The following CROCC variants were observed in gnomAD, a reference collection of about 807,000 sequenced individuals.
The protein encoded by CROCC is rootletin.
CROCC carries 180 observed loss-of-function variants against 245.2 expected under a neutral mutation model. The observed-to-expected ratio is 0.73, with a 90% CI of 0.65 to 0.83. The LOEUF is 0.83. Among genes scored for constraint, CROCC ranks in the 40% least tolerant of loss-of-function variants. The pLI is 0.00. For missense variants in CROCC, 2,688 were observed against 2,779.4 expected, an observed-to-expected ratio of 0.97 and a Z score of 0.74; for synonymous variants, 1,205 against 1,241.6, an observed-to-expected ratio of 0.97 and a Z score of 0.62.
chr1:16,933,279 A>G (rs2075718394), intron 8 of CROCC, among the ~76,000 whole-genome samples: 1 of 152,274 alleles, frequency 6.6e-6, no homozygotes, highest in African/African-American at 2.4e-5. Context: ...CAGCCTGGCC[A>G]ACATGGTGAG....
At chr1:16,943,878 A>G (rs1309456514) in intron 13 of CROCC, among the ~76,000 whole-genome samples, 1 of 152,234 alleles carries the variant, frequency 6.6e-6, no homozygotes, top group Admixed American at 6.5e-5. Context: ...ACCTCCATCC[A>G]CTCCAAGTGG....
At chr1:16,948,749 G>T in intron 18 of CROCC, 50 bp from the exon 19 acceptor site, 2 of 1,604,392 alleles carry the variant, frequency 1.2e-6, no homozygotes, top group South Asian at 1.1e-5. Context: ...ACAGTTTCCT[G>T]GGGCCAGGGA....
At chr1:16,957,998 C>G (rs889799290) in intron 25 of CROCC, among the ~76,000 whole-genome samples, 2 of 148,778 alleles carry the variant, frequency 1.3e-5, no homozygotes, top group South Asian at 2.1e-4. Flanking sequence ...GGCAGTACCC[C>G]TCCCTGCTCC....
At chr1:16,960,224 C>A (rs2076308275) in intron 26 of CROCC, among the ~76,000 whole-genome samples, 1 of 152,098 alleles carries the variant, frequency 6.6e-6, no homozygotes, top group Non-Finnish European at 1.5e-5. Context: ...TGAGATTGCC[C>A]CACTGCACTC....
At chr1:16,919,992 A>G (rs1426469694), upstream of CROCC, among the ~76,000 whole-genome samples, 2 of 152,262 alleles carry the variant, frequency 1.3e-5, no homozygotes, top group African/African-American at 2.4e-5. Flanking sequence ...CCTGGGTTCA[A>G]GTGATTCCCC....
chr1:16,944,002 C>G (rs529677222), intron 13 of CROCC, 98 bp from the exon 14 acceptor site: 3 of 1,270,196 alleles, frequency 2.4e-6, no homozygotes, highest in Non-Finnish European at 3.2e-6. Flanking sequence ...CCTTGGAAGA[C>G]TGGAGGATGT....
chr1:16,924,546 A>G, intron 3 of CROCC, 67 bp downstream of exon 3: 3 of 1,569,646 alleles, frequency 1.9e-6, no homozygotes, highest in Non-Finnish European at 2.6e-6. Context: ...AGGCATCTAG[A>G]CCAGGCCCAC....
intron 20 of CROCC, among the ~76,000 whole-genome samples, chr1:16,951,706 T>C (rs992369643): frequency 1.3e-5 from 2 of 152,222 alleles, no homozygotes; most frequent in Non-Finnish European, 2.9e-5. Context: ...GGCACTGACA[T>C]GCTCTCCAGA....
At chr1:16,938,041 G>A (rs761062652) in intron 10 of CROCC, among the ~76,000 whole-genome samples, 225 of 152,308 alleles carry the variant, frequency 1.5e-3, no homozygotes, top group Non-Finnish European at 2.7e-3. Flanking sequence ...TCCCATCCAC[G>A]CTCTCCAGGT....
intron 1 of CROCC, among the ~76,000 whole-genome samples, chr1:16,916,692 T>A (rs1473238968): frequency 1.3e-5 from 2 of 152,276 alleles, no homozygotes; most frequent in East Asian, 3.8e-4. Context: ...TTTATTTTTT[T>A]GGCAGAGATG....
rs7414606 is a variant in CROCC, at chr1:16,946,626, T to G, written c.2284-135T>G. 1.2e-5 allele frequency: 14 copies of G among 1,129,364 alleles called. No homozygotes were observed. The East Asian group carries it at 3.5e-4, about 29-fold the overall frequency. 70.0% of individuals were successfully genotyped at this position (1,129,364 alleles called of 1,614,324 possible). On this transcript the variant is annotated intron_variant, in intron 16 of 36. Transcript: ENST00000375541. ...TCATCTCCCCCTCCCCAGTGTCCCA[T>G]ACACCCAAGGGCACTGTCCCTCATT...
rs1451892308 is a variant in CROCC, at chr1:16,931,439, C to T, written c.956+42C>T. 9.8e-6 allele frequency: 15 copies of T among 1,536,370 alleles called. No individual in the cohort carries two copies. The East Asian group carries it at 3.4e-4, about 35-fold the overall frequency. On this transcript the variant is annotated intron_variant, in intron 8 of 36. Coordinates refer to ENST00000375541, the MANE Select transcript of CROCC (RefSeq NM_014675.5). ...GACGGGGCAGCAGCTGAGAGCCAGC[C>T]CTGCTCTTTATGTCCAACTGAACTC...
In CROCC at chr1:16,938,900, C is replaced by A. The variant is rs573965720; in HGVS notation, c.1375-9C>A. 1.2e-5 allele frequency: 19 copies of A among 1,604,466 alleles called. No individual in the cohort carries two copies. The highest frequency in any genetic ancestry group is 1.1e-4 in the African/African-American group (8 of 74,414). ...GCAGCCTCCTTCTGCCTCCCTCCCC[C>A]ACCCTCAGGCCGTCTTGTCAGACTC... On this transcript the variant is annotated splice_polypyrimidine_tract_variant and intron_variant, in intron 11 of 36. Transcript: ENST00000375541.
At chr1:16,948,291 G>T in intron 17 of CROCC, 40 bp from the exon 18 acceptor site, 2 of 1,504,746 alleles carry the variant, frequency 1.3e-6, no homozygotes, top group Non-Finnish European at 1.8e-6. Flanking sequence ...ACAAGCTGGG[G>T]GACGCTGGGA....
chr1:16,955,602 G>A (rs1312502769), intron 24 of CROCC, 52 bp downstream of exon 24: 2 of 1,396,152 alleles, frequency 1.4e-6, no homozygotes, highest in Non-Finnish European at 1.9e-6. Context: ...TCCCATCCCT[G>A]AAACCTAACT....
chr1:16,917,266 G>C (rs2075317804), upstream of CROCC, among the ~76,000 whole-genome samples: 1 of 152,304 alleles, frequency 6.6e-6, no homozygotes, highest in Non-Finnish European at 1.5e-5. Context: ...AAGTGAGTAG[G>C]GTGGTGCCAG....
rs180829245 is a variant in CROCC at position 16,959,869 on chromosome 1, G to A, written c.4033-889G>A. On this transcript the variant is annotated intron_variant, in intron 26 of 36. Transcript: ENST00000375541. ...CAGCCCACAGCCCCCGTGTGGCCCCGTGTGGTATGCCTCCCCGCCTTTCCC... is the reference window on the plus strand; with the variant it reads ...CAGCCCACAGCCCCCGTGTGGCCCCATGTGGTATGCCTCCCCGCCTTTCCC... 1.2e-3 allele frequency among the ~76,000 whole-genome samples: 179 copies of A among 152,050 alleles called. 1 individual carries two copies. The highest frequency in any genetic ancestry group is 3.8e-3 in the African/African-American group (158 of 41,464).
At chr1:16,926,814 G>A (rs2075545088) in intron 3 of CROCC, among the ~76,000 whole-genome samples, 1 of 152,274 alleles carries the variant, frequency 6.6e-6, no homozygotes, top group Admixed American at 6.5e-5. Flanking sequence ...TTGAATGGCG[G>A]TCTGAGGGCA....
intron 24 of CROCC, 65 bp downstream of exon 24, chr1:16,955,615 A>C: frequency 7.6e-7 from 1 of 1,323,480 alleles, no homozygotes; most frequent in Non-Finnish European, 1.0e-6. Flanking sequence ...ACCTAACTTC[A>C]CCCCCAACGT....
Sources: allele counts gnomAD v4.1 joint callset (sites outside exome capture counted in the v4.1 genomes callset), GRCh38; gene constraint gnomAD v4.1.1; transcripts MANE v1.5; gene names NCBI Gene and HGNC (gene_info 2026-07-23, HGNC 2026-07-21).